Variants in PKD2L2 observed in about 807,000 individuals in gnomAD.
PKD2L2 encodes polycystin-2-like protein 2.
In PKD2L2, 67 loss-of-function variants were observed where a neutral mutation model predicts 83.9. The ratio of observed to expected loss-of-function variants is 0.80; its 90% confidence interval spans 0.66 to 0.98. PKD2L2 has a LOEUF of 0.98. Ranked by LOEUF, PKD2L2 falls within the 50% of genes least tolerant of loss-of-function variation. PKD2L2 has a pLI of 0.00. For missense variants in PKD2L2, 632 were observed against 717.2 expected (o/e 0.88, Z 1.36); for synonymous variants, 223 against 237.8 (o/e 0.94, Z 0.57).
intron 12 of PKD2L2, among the ~76,000 whole-genome samples, chr5:137,934,513 A>G (rs1760142855): frequency 6.6e-6 from 1 of 152,110 alleles, no homozygotes; most frequent in Non-Finnish European, 1.5e-5. Flanking sequence ...CCTACTTCGA[A>G]TATGTTCGTT....
intron 6 of PKD2L2, among the ~76,000 whole-genome samples, chr5:137,907,107 C>A (rs759236194): frequency 4.6e-5 from 7 of 152,152 alleles, no homozygotes; most frequent in Non-Finnish European, 7.3e-5. Context: ...TTAATTATAG[C>A]CAATCAAGTA....
Position 137,908,882 on chromosome 5 carries a change from G to A in PKD2L2, c.1264G>A (p.Ala422Thr). ...GTTTTTTATAATATTCTTTGCTTAT[G>A]CCCAGTTAGGATTTCTTGTTTTTGG... The part of the protein sequence containing the change: ...IMFFIIFFAY[A>T]QLGFLVFGSQ... Residue 422 changes from alanine (A) to threonine (T), a missense_variant, in exon 8 of 15, where the codon GCC (alanine) becomes ACC (threonine). By Grantham distance (58) the Ala-to-Thr change is moderately conservative. Around this residue, in one of 3 missense-constraint regions of PKD2L2, gnomAD observed 399 missense variants for 416.9 expected, o/e 0.96. Coordinates refer to ENST00000508883, the MANE Select transcript of PKD2L2 (RefSeq NM_001300921.2). The A allele has an allele frequency of 5.0e-6, 8 of 1,608,706 alleles. No individual in the cohort carries two copies. Among genetic ancestry groups the A allele is most frequent in the Non-Finnish European group, 5.1e-6 (6 of 1,176,076 alleles).
At chr5:137,905,289 T>C (rs1757276696) in intron 5 of PKD2L2, among the ~76,000 whole-genome samples, 1 of 151,572 alleles carries the variant, frequency 6.6e-6, no homozygotes, top group Non-Finnish European at 1.5e-5. Flanking sequence ...ACCTTATCCG[T>C]TTATTTTCGT....
chr5:137,903,225 C>T (rs1580910776), intron 5 of PKD2L2, among the ~76,000 whole-genome samples: 1 of 152,288 alleles, frequency 6.6e-6, no homozygotes, highest in East Asian at 1.9e-4. Context: ...TTTCTCATGG[C>T]AGTTGTAGAG....
At chr5:137,924,433 AT>A (rs1759198554) in intron 10 of PKD2L2, among the ~76,000 whole-genome samples, 1 of 66,650 alleles carries the variant, frequency 1.5e-5, no homozygotes, top group South Asian at 9.7e-4. Flanking sequence ...TCTTGCTACC[AT>A]TCTATTCTTC....
At chr5:137,899,121 G>T (rs1157739585) in intron 4 of PKD2L2, among the ~76,000 whole-genome samples, 4 of 151,568 alleles carry the variant, frequency 2.6e-5, no homozygotes, top group African/African-American at 9.7e-5. Flanking sequence ...TTTGTTTTTG[G>T]TTTTGTTTTT....
At chr5:137,936,009 T>C (rs1422085957) in intron 13 of PKD2L2, 100 bp downstream of exon 13, 1 of 729,802 alleles carries the variant, frequency 1.4e-6, no homozygotes, top group Non-Finnish European at 2.4e-6. Context: ...AACTTTACTC[T>C]ATTAGGATGC....
intron 12 of PKD2L2, among the ~76,000 whole-genome samples, chr5:137,928,838 G>T (rs1031337986): frequency 6.6e-6 from 1 of 152,122 alleles, no homozygotes; most frequent in African/African-American, 2.4e-5. Context: ...TGAAAGTGTT[G>T]GGATTACAGG....
chr5:137,912,901 T>A lies in PKD2L2; in HGVS notation c.1328+3955T>A, dbSNP rs1757970730. 2.0e-5 allele frequency among the ~76,000 whole-genome samples: 3 copies of A among 147,026 alleles called. No homozygotes were observed. The South Asian group carries it at 6.5e-4, about 32-fold the overall frequency. On this transcript the variant is annotated intron_variant, in intron 8 of 14. Transcript: ENST00000508883. ...CTCACTGCAACCTCCGCCTCCCAGG[T>A]TCAAGTGATTCTCCTGGCTCAGCCT...
chr5:137,891,831 G>C (rs1275633875), intron 2 of PKD2L2, among the ~76,000 whole-genome samples: 1 of 151,916 alleles, frequency 6.6e-6, no homozygotes, highest in Non-Finnish European at 1.5e-5. Flanking sequence ...TTACAGGCCT[G>C]TGCCACCACG....
At chr5:137,911,536 T>C (rs1333514191) in intron 8 of PKD2L2, among the ~76,000 whole-genome samples, 1 of 152,162 alleles carries the variant, frequency 6.6e-6, no homozygotes, top group East Asian at 1.9e-4. Context: ...TCCAGACTTA[T>C]TAAGGTATAA....
intron 8 of PKD2L2, among the ~76,000 whole-genome samples, chr5:137,912,874 A>G (rs1757967602): frequency 7.8e-6 from 1 of 128,664 alleles, no homozygotes; most frequent in African/African-American, 3.0e-5. Flanking sequence ...GTGTGATCTC[A>G]GCTCACTGCA....
chr5:137,893,331 G>A (rs749149451), intron 3 of PKD2L2, among the ~76,000 whole-genome samples: 20 of 152,038 alleles, frequency 1.3e-4, no homozygotes, highest in Admixed American at 5.9e-4. Flanking sequence ...TTTTACTTAC[G>A]TAAGGGAATC....
At chr5:137,932,881 C>T (rs1230478386) in intron 12 of PKD2L2, among the ~76,000 whole-genome samples, 1 of 152,050 alleles carries the variant, frequency 6.6e-6, no homozygotes, top group Non-Finnish European at 1.5e-5. Context: ...TTGAACACTT[C>T]AGATTTCCGA....
At chr5:137,908,353 T>A (rs1757529193) in intron 7 of PKD2L2, among the ~76,000 whole-genome samples, 1 of 151,998 alleles carries the variant, frequency 6.6e-6, no homozygotes, top group Non-Finnish European at 1.5e-5. Context: ...TTTGGGAGGC[T>A]GAGGTGGGCG....
At chr5:137,917,162 C>CT (rs34636933) in intron 8 of PKD2L2, among the ~76,000 whole-genome samples, 91,152 of 127,134 alleles carry the variant, frequency 0.72, 33,448 homozygotes, top group East Asian at 0.94. Context: ...GTTCACTTTT[C>CT]TTTTTTTTTT....
chr5:137,940,468 T>TA, intron 14 of PKD2L2: 1 of 652,912 alleles, frequency 1.5e-6, no homozygotes, highest in Non-Finnish European at 2.5e-6. Context: ...AGTTGTTCTG[T>TA]TAAAAAAAAA....
chr5:137,922,045 G>A (rs563752893), intron 9 of PKD2L2, among the ~76,000 whole-genome samples: 14 of 152,212 alleles, frequency 9.2e-5, no homozygotes, highest in Non-Finnish European at 1.6e-4. Context: ...TGCATGCCAT[G>A]AGTCATGAAT....
At chr5:137,942,318 G>A (rs965150856) in intron 14 of PKD2L2, 66 bp from the exon 15 acceptor site, 4 of 408,574 alleles carry the variant, frequency 9.8e-6, no homozygotes, top group South Asian at 9.6e-5. Flanking sequence ...AGATCAACTC[G>A]CAACTAGTTC....
Sources: gnomAD v4.1 joint callset for allele counts (sites outside exome capture counted in the v4.1 genomes callset) on GRCh38, gnomAD v4.1.1 for gene constraint, gnomAD v4.1.1 regional missense constraint, MANE v1.5 for transcripts, NCBI Gene and HGNC (gene_info 2026-07-23, HGNC 2026-07-21) for gene names.